The following BRINP3 variants were observed in gnomAD, a reference collection of about 807,000 sequenced individuals.
The protein encoded by BRINP3 is BMP/retinoic acid-inducible neural-specific protein 3.
Under a neutral mutation model 71.0 loss-of-function variants are expected in BRINP3, and 19 were observed. The ratio of observed to expected loss-of-function variants is 0.27; its 90% confidence interval spans 0.19 to 0.39. BRINP3 has a LOEUF of 0.39. Among genes scored for constraint, BRINP3 ranks in the 10% least tolerant of loss-of-function variants. BRINP3 has a pLI of 1.00. For missense variants in BRINP3, 959 were observed against 940.8 expected (o/e 1.02, Z -0.25); for synonymous variants, 380 against 337.7 (o/e 1.13, Z -1.37).
intron 6 of BRINP3, among the ~76,000 whole-genome samples, chr1:190,169,498 A>G (rs1486468211): frequency 6.6e-6 from 1 of 152,140 alleles, no homozygotes; most frequent in Non-Finnish European, 1.5e-5. Context: ...TGAACTATCC[A>G]ATCCGATGTC....
intron 7 of BRINP3, among the ~76,000 whole-genome samples, chr1:190,105,105 T>G (rs1008704421): frequency 3.3e-5 from 5 of 152,054 alleles, no homozygotes; most frequent in Admixed American, 6.6e-5. Context: ...TAAAACCAAA[T>G]AAAATTCTGT....
At chr1:190,336,484 C>T (rs1434625160) in intron 2 of BRINP3, among the ~76,000 whole-genome samples, 3 of 151,910 alleles carry the variant, frequency 2.0e-5, no homozygotes, top group African/African-American at 7.3e-5. Context: ...CAAAATCAAG[C>T]TACTATATTG....
intron 1 of BRINP3, among the ~76,000 whole-genome samples, chr1:190,463,720 G>A (rs972591618): frequency 6.6e-6 from 1 of 151,808 alleles, no homozygotes; most frequent in African/African-American, 2.4e-5. Flanking sequence ...TTTTGGTAAT[G>A]ATGTATAACT....
At chr1:190,301,884 T>C (rs1664764850) in intron 2 of BRINP3, among the ~76,000 whole-genome samples, 1 of 151,940 alleles carries the variant, frequency 6.6e-6, no homozygotes, top group African/African-American at 2.4e-5. Flanking sequence ...TAGAAAAACA[T>C]TTTTTCAGCA....
chr1:190,298,678 G>A (rs1035394679), intron 2 of BRINP3, among the ~76,000 whole-genome samples: 1 of 151,916 alleles, frequency 6.6e-6, no homozygotes, highest in African/African-American at 2.4e-5. Flanking sequence ...TTGAATTATG[G>A]TCATAGAATA....
intron 3 of BRINP3, among the ~76,000 whole-genome samples, chr1:190,276,911 T>C (rs554473460): frequency 1.1e-4 from 16 of 150,466 alleles, no homozygotes; most frequent in Non-Finnish European, 2.1e-4. Context: ...GAAAAAAGTA[T>C]ATTGTAACTA....
intron 3 of BRINP3, among the ~76,000 whole-genome samples, chr1:190,265,809 G>T (rs1340796370): frequency 3.9e-5 from 6 of 152,042 alleles, no homozygotes; most frequent in Non-Finnish European, 7.4e-5. Context: ...ATATGACAAA[G>T]CACTAGTTTT....
intron 6 of BRINP3, among the ~76,000 whole-genome samples, chr1:190,207,646 A>C (rs1655626708): frequency 6.6e-6 from 1 of 152,138 alleles, no homozygotes; most frequent in Non-Finnish European, 1.5e-5. Context: ...GACATTGTTC[A>C]AACAAAAAGA....
chr1:190,352,863 G>C (rs960134780), intron 2 of BRINP3, among the ~76,000 whole-genome samples: 16 of 144,922 alleles, frequency 1.1e-4, no homozygotes, highest in African/African-American at 2.3e-4. Flanking sequence ...CTCTCTCTGT[G>C]TGTGTATGTG....
intron 4 of BRINP3, among the ~76,000 whole-genome samples, chr1:190,262,500 A>C (rs570193157): frequency 6.6e-6 from 1 of 152,226 alleles, no homozygotes; most frequent in East Asian, 1.9e-4. Context: ...ACTTCTGTTC[A>C]CAATGATATA....
At chr1:190,331,246 T>A (rs56218394) in intron 2 of BRINP3, among the ~76,000 whole-genome samples, 2,497 of 152,104 alleles carry the variant, frequency 0.016, 64 homozygotes, top group African/African-American at 0.055. Context: ...TTAAAAGATA[T>A]GTAAGTATAT....
chr1:190,460,714 C>G (rs760586453), intron 1 of BRINP3, among the ~76,000 whole-genome samples: 2 of 152,114 alleles, frequency 1.3e-5, no homozygotes, highest in Non-Finnish European at 2.9e-5. Context: ...GAACATGATA[C>G]CTCTGTCAAG....
intron 2 of BRINP3, among the ~76,000 whole-genome samples, chr1:190,437,069 T>A (rs1674512309): frequency 6.6e-6 from 1 of 151,538 alleles, no homozygotes; most frequent in South Asian, 2.1e-4. Flanking sequence ...CAATATTGTT[T>A]AAACTGGCTA....
chr1:190,402,771 C>T (rs1571959510), intron 2 of BRINP3, among the ~76,000 whole-genome samples: 1 of 151,764 alleles, frequency 6.6e-6, no homozygotes, highest in African/African-American at 2.4e-5. Flanking sequence ...TCATTCTGTC[C>T]CCCAGGCTGG....
intron 3 of BRINP3, among the ~76,000 whole-genome samples, chr1:190,265,721 A>T (rs1478818853): frequency 6.6e-6 from 1 of 151,622 alleles, no homozygotes; most frequent in Non-Finnish European, 1.5e-5. Flanking sequence ...TCTCAAAAAT[A>T]AATAAATAAA....
intron 6 of BRINP3, among the ~76,000 whole-genome samples, chr1:190,172,017 C>T (rs541231253): frequency 7.9e-5 from 12 of 151,134 alleles, no homozygotes; most frequent in African/African-American, 2.7e-4. Context: ...GAGAGAATCG[C>T]CTATCCCTAG....
At chr1:190,152,531 A>AACCC (rs1558012582) in intron 7 of BRINP3, among the ~76,000 whole-genome samples, 4 of 84,648 alleles carry the variant, frequency 4.7e-5, no homozygotes, top group Admixed American at 1.5e-4. Context: ...ATCTCCCCCA[A>AACCC]CCCCCCCCCC....
intron 2 of BRINP3, among the ~76,000 whole-genome samples, chr1:190,330,941 G>A (rs1012606178): frequency 6.6e-6 from 1 of 151,868 alleles, no homozygotes; most frequent in African/African-American, 2.4e-5. Context: ...CGGACATAAA[G>A]ATGGCAACAA....
intron 2 of BRINP3, among the ~76,000 whole-genome samples, chr1:190,437,918 T>A (rs1674573663): frequency 6.6e-6 from 1 of 151,650 alleles, no homozygotes; most frequent in Non-Finnish European, 1.5e-5. Flanking sequence ...TTGTTACAAA[T>A]TTTTCCTTAT....
Sources: gnomAD v4.1 joint callset for allele counts (sites outside exome capture counted in the v4.1 genomes callset) on GRCh38, gnomAD v4.1.1 for gene constraint, MANE v1.5 for transcripts, NCBI Gene and HGNC (gene_info 2026-07-23, HGNC 2026-07-21) for gene names.